ATXN10: variants seen among roughly 807,000 people sequenced by gnomAD.
ATXN10 encodes ataxin-10.
In ATXN10, 28 loss-of-function variants were observed where a neutral mutation model predicts 52.9. The ratio of observed to expected loss-of-function variants is 0.53; its 90% CI spans 0.39 to 0.73. The LOEUF (loss-of-function observed/expected upper bound fraction) is 0.73. Among genes scored for constraint, ATXN10 ranks in the 30% least tolerant of loss-of-function variants. The pLI is 0.00. For missense variants in ATXN10, 565 were observed against 577.0 expected, an observed-to-expected ratio of 0.98 and a Z score of 0.21; for synonymous variants, 226 against 221.5, an observed-to-expected ratio of 1.02 and a Z score of -0.18.
intron 9 of ATXN10, among the ~76,000 whole-genome samples, chr22:45,753,224 T>C (rs1926049366): frequency 1.3e-5 from 2 of 151,430 alleles, no homozygotes. Flanking sequence ...CAGTGATTTT[T>C]TTTTTCTGTC....
In ATXN10 at chr22:45,678,439, A is replaced by C. The variant is rs1922788719; in HGVS notation, c.116+6260A>C. ...TGAGTGACACTGAATTTTGGTGGGC[A>C]TGTGAAGCTATATATTTATGATTTT... On this transcript the variant is annotated intron_variant, in intron 1 of 11. Coordinates refer to ENST00000252934, the MANE Select transcript of ATXN10 (RefSeq NM_013236.4). This position sits in a 1 kb window ranked among gnomAD's most constrained non-coding sequence, Gnocchi z 4.1. 1 of 152,182 alleles carries C rather than the reference A, an allele frequency of 6.6e-6. No individual in the cohort carries two copies. Among genetic ancestry groups the C allele is most frequent in the Non-Finnish European group, 1.5e-5 (1 of 68,038 alleles). 9.4% of individuals were successfully genotyped at this position (152,182 alleles called of 1,614,324 possible). A position where few individuals can be genotyped will look rare whatever the true frequency, so the allele number is the denominator to read the frequency against.
chr22:45,773,236 T>C (rs918089568), intron 9 of ATXN10, among the ~76,000 whole-genome samples: 1 of 152,194 alleles, frequency 6.6e-6, no homozygotes, highest in African/African-American at 2.4e-5. Context: ...ATTTGAAAAA[T>C]AGATTCTCTG....
At position 45,841,783 on chromosome 22, in the gene ATXN10, A is replaced by C. The variant is rs569737900; in HGVS notation, c.1238-1208A>C. Among the ~76,000 whole-genome samples, 20 of 152,214 alleles carry C rather than the reference A, an allele frequency of 1.3e-4. 2 individuals are homozygous for C. The East Asian group carries it at 3.7e-3, about 28-fold the overall frequency. ...AGAGCACCAGCTTTGTGAATGTTGAAGTTTTCTCTGTGTTCTCATGCCATG... is the reference window on the plus strand; with the variant it reads ...AGAGCACCAGCTTTGTGAATGTTGACGTTTTCTCTGTGTTCTCATGCCATG... On this transcript the variant is annotated intron_variant, in intron 10 of 11. Transcript: ENST00000252934. This position sits in a 1 kb window ranked among gnomAD's most constrained non-coding sequence, Gnocchi z 5.1.
In ATXN10 at chr22:45,774,095, C is replaced by T. The variant is rs1444862533; in HGVS notation, c.1174-32864C>T. 6.6e-6 allele frequency among the ~76,000 whole-genome samples: 1 copy of T among 152,232 alleles called. No homozygotes were observed. Among genetic ancestry groups the T allele is most frequent in the Non-Finnish European group, 1.5e-5 (1 of 68,038 alleles). On this transcript the variant is annotated intron_variant, in intron 9 of 11. Coordinates refer to ENST00000252934, the MANE Select transcript of ATXN10 (RefSeq NM_013236.4). The surrounding 1 kb of genome is among the most constrained non-coding windows in gnomAD (Gnocchi z 6.2). ...ACCATTTGATGCCATGTGCTTCAGC[C>T]AGCACCATTTCAGCATGTGCATGTG...
intron 10 of ATXN10, among the ~76,000 whole-genome samples, chr22:45,832,228 C>T (rs1004438196): frequency 1.3e-5 from 2 of 152,228 alleles, no homozygotes; most frequent in African/African-American, 4.8e-5. Flanking sequence ...CTTACCATAG[C>T]CTAAGAATCC....
chr22:45,687,122 C>T (rs1265042451), intron 1 of ATXN10, among the ~76,000 whole-genome samples: 1 of 152,136 alleles, frequency 6.6e-6, no homozygotes, highest in Non-Finnish European at 1.5e-5. Context: ...TTGGCCTTAG[C>T]TCAGTTAAAT....
intron 7 of ATXN10, among the ~76,000 whole-genome samples, chr22:45,736,623 T>C (rs2146798110): frequency 6.6e-6 from 1 of 152,324 alleles, no homozygotes; most frequent in East Asian, 1.9e-4. Context: ...TGTAGACTTT[T>C]CTAGATTTTA....
chr22:45,698,256 C>T (rs1030405193), intron 3 of ATXN10, among the ~76,000 whole-genome samples: 2 of 152,062 alleles, frequency 1.3e-5, no homozygotes, highest in Non-Finnish European at 2.9e-5. Flanking sequence ...GACTTTTCAC[C>T]GACACCATAC....
intron 9 of ATXN10, among the ~76,000 whole-genome samples, chr22:45,776,005 G>T (rs1488382657): frequency 1.3e-5 from 2 of 152,194 alleles, no homozygotes; most frequent in Non-Finnish European, 2.9e-5. Context: ...CTGTCTGCTG[G>T]AGGGGGACCC....
Position 45,738,825 on chromosome 22 carries a change from T to C in ATXN10, c.989T>C (p.Leu330Pro). The C allele has an allele frequency of 6.2e-7, 1 of 1,613,902 alleles. No individual in the cohort carries two copies. Among genetic ancestry groups the C allele is most frequent in the Non-Finnish European group, 8.5e-7 (1 of 1,179,760 alleles). Residue 330 changes from leucine (L) to proline (P), a missense_variant, in exon 8 of 12, where the codon CTG (leucine) becomes CCG (proline). Physicochemically the swap from Leu to Pro is moderately conservative, Grantham distance 98 (BLOSUM62 -3). Transcript: ENST00000252934. ...TATCTGCAGGTTTTCCCTGGCTTGC[T>C]GGAAAGAGTGATTGGTGAGTGAAAT... ...LGYLQVFPGLLERVIDLLRVI... is the reference protein window; with the variant it reads ...LGYLQVFPGLPERVIDLLRVI...
At chr22:45,721,508 C>G (rs1924649504) in intron 6 of ATXN10, among the ~76,000 whole-genome samples, 1 of 152,182 alleles carries the variant, frequency 6.6e-6, no homozygotes, top group African/African-American at 2.4e-5. Context: ...TTGACTTTGG[C>G]ATCAGAAAGA....
chr22:45,737,151 C>T (rs1338651346), intron 7 of ATXN10, among the ~76,000 whole-genome samples: 13 of 152,162 alleles, frequency 8.5e-5, no homozygotes, highest in Non-Finnish European at 1.5e-4. Context: ...GATTTGTTTT[C>T]AGTCCGTTAC....
rs142328160 is a variant in ATXN10 at position 45,780,241 on chromosome 22, G to T, written c.1174-26718G>T. ...TGGGATTACAGGCGTGTGCCACCAC[G>T]CCCAGCTAATTTTTGTATTTTTAGT... On this transcript the variant is annotated intron_variant, in intron 9 of 11. Transcript: ENST00000252934. This position sits in a 1 kb window ranked among gnomAD's most constrained non-coding sequence, Gnocchi z 4.0. Among the ~76,000 whole-genome samples the T allele has an allele frequency of 6.6e-6, 1 of 152,100 alleles. No homozygotes were observed. The highest frequency in any genetic ancestry group is 2.4e-5 in the African/African-American group (1 of 41,416).
Position 45,775,756 on chromosome 22 carries a change from C to T in ATXN10, c.1174-31203C>T, listed in dbSNP as rs1926931003. On this transcript the variant is annotated intron_variant, in intron 9 of 11. Transcript: ENST00000252934. The surrounding 1 kb of genome is among the most constrained non-coding windows in gnomAD (Gnocchi z 4.7). ...TTCAAGTTTTACTTCCTCATTAGTG[C>T]CTCATGTCATGACCTGGGTCTCCGA... 6.6e-6 allele frequency among the ~76,000 whole-genome samples: 1 copy of T among 152,154 alleles called. No homozygotes were observed. The highest frequency in any genetic ancestry group is 1.5e-5 in the Non-Finnish European group (1 of 68,030).
intron 9 of ATXN10, among the ~76,000 whole-genome samples, chr22:45,782,146 C>T (rs187015636): frequency 2.6e-5 from 4 of 152,308 alleles, no homozygotes; most frequent in Admixed American, 2.6e-4. Flanking sequence ...ATCCTATTAA[C>T]CCATCATTCC....
At chr22:45,807,227 A>T in intron 10 of ATXN10, 2 of 659,034 alleles carry the variant, frequency 3.0e-6, no homozygotes, top group Non-Finnish European at 2.8e-6. Context: ...TAGTTTTTTC[A>T]TGGTGAATAA....
chr22:45,807,733 A>G (rs547492502), intron 10 of ATXN10, among the ~76,000 whole-genome samples: 1 of 152,328 alleles, frequency 6.6e-6, no homozygotes, highest in South Asian at 2.1e-4. Flanking sequence ...CTACTGTTTA[A>G]TTTCACGAAC....
chr22:45,820,008 C>T lies in ATXN10; in HGVS notation c.1237+12986C>T, dbSNP rs116601640. ...GCAGTGACCAAGGGCCTGGTCAAAA[C>T]GTGAGTGTGTCACAGCCATTCAGCA... On this transcript the variant is annotated intron_variant, in intron 10 of 11. Transcript: ENST00000252934. The surrounding 1 kb of genome is among the most constrained non-coding windows in gnomAD (Gnocchi z 4.9). Among the ~76,000 whole-genome samples, 266 of 152,276 alleles carry T rather than the reference C, an allele frequency of 1.7e-3. 2 individuals are homozygous for T. The highest frequency in any genetic ancestry group is 6.0e-3 in the African/African-American group (251 of 41,568).
intron 10 of ATXN10, among the ~76,000 whole-genome samples, chr22:45,821,545 T>C (rs1239120945): frequency 1.3e-5 from 2 of 152,186 alleles, no homozygotes; most frequent in Non-Finnish European, 2.9e-5. Flanking sequence ...CATGGTGACA[T>C]TTGTGAGTCT....
Sources: allele counts gnomAD v4.1 joint callset (sites outside exome capture counted in the v4.1 genomes callset), GRCh38; gene constraint gnomAD v4.1.1; non-coding constraint Gnocchi (gnomAD v3.1); transcripts MANE v1.5; gene names NCBI Gene and HGNC (gene_info 2026-07-23, HGNC 2026-07-21).